MTUS2: variants seen among roughly 807,000 people sequenced by gnomAD.
MTUS2 encodes the protein microtubule-associated tumor suppressor candidate 2.
Under a neutral mutation model 114.1 loss-of-function variants are expected in MTUS2, and 40 were observed. The ratio of observed to expected loss-of-function variants is 0.35; its 90% CI spans 0.27 to 0.46. MTUS2 has a LOEUF of 0.46. MTUS2 is among the 20% of genes least tolerant of loss of function. The pLI, the probability that MTUS2 is intolerant of heterozygous loss-of-function variation, is 1.00. For missense variants in MTUS2, 1,679 were observed against 1,705.4 expected (o/e 0.98, Z 0.27); for synonymous variants, 688 against 672.0 (o/e 1.02, Z -0.37).
intron 5 of MTUS2, among the ~76,000 whole-genome samples, chr13:29,244,221 T>G (rs1896829005): frequency 6.6e-6 from 1 of 152,038 alleles, no homozygotes; most frequent in Non-Finnish European, 1.5e-5. Flanking sequence ...CCACCTGTAG[T>G]TGGGGACACA....
chr13:29,033,051 C>A (rs1009304712), intron 3 of MTUS2, among the ~76,000 whole-genome samples: 3 of 152,166 alleles, frequency 2.0e-5, no homozygotes, highest in Non-Finnish European at 1.5e-5. Flanking sequence ...CTAGGCCAAA[C>A]TGCTAGCTAC....
intron 2 of MTUS2, among the ~76,000 whole-genome samples, chr13:28,975,393 C>T (rs1884042890): frequency 6.6e-6 from 1 of 152,166 alleles, no homozygotes; most frequent in Non-Finnish European, 1.5e-5. Flanking sequence ...TGTTAGAGTT[C>T]TCCTGGTCCC....
intron 2 of MTUS2, among the ~76,000 whole-genome samples, chr13:28,847,371 C>T (rs1317026982): frequency 1.3e-5 from 2 of 151,988 alleles, no homozygotes; most frequent in African/African-American, 2.4e-5. Context: ...GGCATAGGAG[C>T]TCTGATTTTG....
At chr13:29,229,096 T>G (rs1896223588) in intron 5 of MTUS2, among the ~76,000 whole-genome samples, 1 of 152,192 alleles carries the variant, frequency 6.6e-6, no homozygotes, top group Admixed American at 6.5e-5. Context: ...TGTGATCATT[T>G]TAAAGGCCCC....
chr13:29,020,914 G>C (rs1427217678), intron 2 of MTUS2, among the ~76,000 whole-genome samples: 2 of 151,794 alleles, frequency 1.3e-5, no homozygotes, highest in Non-Finnish European at 2.9e-5. Flanking sequence ...ATTATTAAGT[G>C]TCCTAACTTA....
At chr13:29,348,948 G>T (rs76430437) in intron 7 of MTUS2, among the ~76,000 whole-genome samples, 1 of 152,058 alleles carries the variant, frequency 6.6e-6, no homozygotes, top group East Asian at 1.9e-4. Context: ...TTTTAAGTAG[G>T]TTTCTTATAG....
At chr13:28,929,749 G>A (rs1055052161) in intron 2 of MTUS2, among the ~76,000 whole-genome samples, 1 of 152,240 alleles carries the variant, frequency 6.6e-6, no homozygotes, top group African/African-American at 2.4e-5. Context: ...CACCTGCTAA[G>A]TGTCAGGTGT....
At chr13:28,974,384 T>C (rs1883993353) in intron 2 of MTUS2, among the ~76,000 whole-genome samples, 2 of 152,218 alleles carry the variant, frequency 1.3e-5, no homozygotes, top group African/African-American at 2.4e-5. Flanking sequence ...TGTATCTGAA[T>C]TTAGACTGTG....
At chr13:29,325,861 G>A (rs1900489707) in intron 7 of MTUS2, among the ~76,000 whole-genome samples, 1 of 152,210 alleles carries the variant, frequency 6.6e-6, no homozygotes, top group Non-Finnish European at 1.5e-5. Context: ...TTTGCCCAAA[G>A]TCACAGGTGA....
chr13:29,041,644 G>A (rs1166427040), intron 4 of MTUS2, among the ~76,000 whole-genome samples: 3 of 152,030 alleles, frequency 2.0e-5, no homozygotes, highest in Non-Finnish European at 4.4e-5. Context: ...AATTTTCCTG[G>A]TAGAGGTCTT....
chr13:29,466,280 A>G (rs1447748376), intron 9 of MTUS2, among the ~76,000 whole-genome samples: 1 of 152,250 alleles, frequency 6.6e-6, no homozygotes. Context: ...AGGTCTAGCC[A>G]GGGCAGTGGA....
intron 11 of MTUS2, chr13:29,489,918 G>T (rs1881935975): frequency 6.6e-6 from 1 of 152,192 alleles, no homozygotes; most frequent in South Asian, 2.1e-4. Context: ...TCACAAGAAA[G>T]AACGTGAGTG....
intron 11 of MTUS2, among the ~76,000 whole-genome samples, chr13:29,490,887 T>A (rs1882013643): frequency 6.6e-6 from 1 of 152,240 alleles, no homozygotes; most frequent in Non-Finnish European, 1.5e-5. Context: ...AATTACCTAG[T>A]TATTTTGCCA....
At chr13:29,492,752 C>T (rs371444660) in intron 12 of MTUS2, 33 bp downstream of exon 12, 25 of 1,517,842 alleles carry the variant, frequency 1.6e-5, no homozygotes, top group African/African-American at 4.1e-5. Flanking sequence ...TACCTGGTAT[C>T]GAGATAATGG....
chr13:28,828,925 A>AT (rs1874463633), intron 1 of MTUS2, among the ~76,000 whole-genome samples: 1 of 152,126 alleles, frequency 6.6e-6, no homozygotes, highest in Non-Finnish European at 1.5e-5. Context: ...TTCATCATGG[A>AT]TTTTTTACAT....
chr13:28,983,879 T>C (rs1440829689), intron 2 of MTUS2, among the ~76,000 whole-genome samples: 1 of 152,252 alleles, frequency 6.6e-6, no homozygotes, highest in Non-Finnish European at 1.5e-5. Flanking sequence ...TAATCACAGC[T>C]TACCGCAGGA....
rs775398684 is a variant in MTUS2, at chr13:28,911,470, G to A, written c.-243+71620G>A. On this transcript the variant is annotated intron_variant, in intron 2 of 15. Transcript: ENST00000612955. ...ATTACAGGCGTGAGCCACCTTGCCC[G>A]GTCATATTTTTATAATATAATAATA... Among the ~76,000 whole-genome samples the A allele has an allele frequency of 3.7e-4, 56 of 152,050 alleles. 1 individual carries two copies. The highest frequency in any genetic ancestry group is 1.1e-3 in the African/African-American group (44 of 41,510).
chr13:29,110,598 A>G (rs898106953), intron 5 of MTUS2, among the ~76,000 whole-genome samples: 1 of 152,172 alleles, frequency 6.6e-6, no homozygotes, highest in Middle Eastern at 3.2e-3. Context: ...CTTCCCAATT[A>G]TTCCCACACA....
intron 7 of MTUS2, among the ~76,000 whole-genome samples, chr13:29,346,199 G>A (rs2138148073): frequency 6.6e-6 from 1 of 152,200 alleles, no homozygotes; most frequent in East Asian, 1.9e-4. Flanking sequence ...ATACAAGCTT[G>A]CCCTAATGCC....
Sources: allele counts gnomAD v4.1 joint callset (sites outside exome capture counted in the v4.1 genomes callset), GRCh38; gene constraint gnomAD v4.1.1; transcripts MANE v1.5; gene names NCBI Gene and HGNC (gene_info 2026-07-23, HGNC 2026-07-21).